DMXL1: variants seen among roughly 807,000 people sequenced by gnomAD.
The protein encoded by DMXL1 is dmX-like protein 1.
DMXL1 carries 99 observed loss-of-function variants against 319.2 expected under a neutral mutation model. The ratio of observed to expected loss-of-function variants is 0.31; its 90% CI spans 0.26 to 0.37. The LOEUF (loss-of-function observed/expected upper bound fraction) is 0.37, where lower values mean the gene tolerates loss of function less well. DMXL1 is among the 10% of genes least tolerant of loss of function. The probability of loss-of-function intolerance (pLI) is 1.00; values close to 1 mark genes in which losing one functional copy is unlikely to be tolerated. For synonymous variants in DMXL1, 1,385 were observed against 1,235.2 expected (o/e 1.12, Z -2.54); for missense variants, 3,745 against 3,595.6 (o/e 1.04, Z -1.06).
chr5:119,245,781 G>A (rs922903119), intron 43 of DMXL1, among the ~76,000 whole-genome samples: 3 of 151,716 alleles, frequency 2.0e-5, no homozygotes, highest in East Asian at 1.9e-4. Context: ...CTTGTGATCC[G>A]CCTGCCTGCC....
Position 119,143,947 on chromosome 5 carries a change from G to T in DMXL1, c.2466+17G>T, listed in dbSNP as rs780511389. ...ACCAAACTTGTAAGTATTAATTTTGGGGGGGAGGTATATTAAAAAAAAGTT... is the reference window on the plus strand; with the variant it reads ...ACCAAACTTGTAAGTATTAATTTTGTGGGGGAGGTATATTAAAAAAAAGTT... On this transcript the variant is annotated intron_variant, in intron 14 of 43. Transcript: ENST00000539542. The T allele has an allele frequency of 7.5e-6, 11 of 1,474,664 alleles. No individual in the cohort carries two copies. Among genetic ancestry groups the T allele is most frequent in the African/African-American group, 5.8e-5 (4 of 69,514 alleles). The allele number at this position is 1,474,664 out of a possible 1,614,324, so 91.3% of individuals were successfully genotyped here.
chr5:119,198,019 C>T (rs1290539727), intron 32 of DMXL1, 63 bp downstream of exon 32: 17 of 1,514,574 alleles, frequency 1.1e-5, no homozygotes, highest in Middle Eastern at 1.7e-4. Flanking sequence ...GATGGTGTCT[C>T]GCTCTGTCAT....
Position 119,178,075 on chromosome 5 carries a change from T to A in DMXL1, c.6966T>A (p.Ile2322=), listed in dbSNP as rs1014334463. The change falls in exon 28 of 44, where the codon ATT becomes ATA. Residue 2322 remains isoleucine, a synonymous_variant. Coordinates refer to ENST00000539542, the MANE Select transcript of DMXL1 (RefSeq NM_001290321.3). ...QSGLTVLLCE[I]LTAVYLSLFI... ...GGCTTACAGTCTTGCTCTGTGAGAT[T>A]CTCACAGCAGTGTATCTTAGTCTCT... 4 of 1,613,894 alleles carry A rather than the reference T, an allele frequency of 2.5e-6. No homozygotes were observed. The African/African-American group carries it at 5.3e-5, about 22-fold the overall frequency.
chr5:119,217,022 G>A (rs756439825), intron 35 of DMXL1, 35 bp downstream of exon 35: 2 of 1,196,696 alleles, frequency 1.7e-6, no homozygotes, highest in African/African-American at 3.1e-5. Flanking sequence ...TGTTTATTAA[G>A]TATTTATAGT....
intron 1 of DMXL1, among the ~76,000 whole-genome samples, chr5:119,089,869 G>A (rs1350649725): frequency 3.3e-5 from 5 of 150,380 alleles, no homozygotes; most frequent in Non-Finnish European, 5.9e-5. Flanking sequence ...CAGGTGATCC[G>A]CCCGCCTTGG....
At chr5:119,077,156 CTATTT>C (rs1283583300) in intron 1 of DMXL1, among the ~76,000 whole-genome samples, 1 of 145,622 alleles carries the variant, frequency 6.9e-6, no homozygotes, top group Non-Finnish European at 1.5e-5. Context: ...AGGCCCAGTG[CTATTT>C]TATTTTATTT....
At chr5:119,089,994 T>C (rs1010925277) in intron 1 of DMXL1, among the ~76,000 whole-genome samples, 1 of 136,844 alleles carries the variant, frequency 7.3e-6, no homozygotes, top group Non-Finnish European at 1.6e-5. Context: ...ATGCTTCGGG[T>C]TAGTCTTTTT....
rs1784503253 is a variant in DMXL1 at position 119,220,721 on chromosome 5, A to C, written c.8135+128A>C. The C allele has an allele frequency of 4.0e-6, 5 of 1,253,848 alleles. No individual in the cohort carries two copies. The South Asian group carries it at 7.7e-5, about 19-fold the overall frequency. The allele number at this position is 1,253,848 out of a possible 1,614,324, so 77.7% of individuals were successfully genotyped here. A position where few individuals can be genotyped will look rare whatever the true frequency, so the allele number is the denominator to read the frequency against. On this transcript the variant is annotated intron_variant, in intron 36 of 43. Transcript: ENST00000539542. ...TAAGCAGAGTAGAAGCTGATGTGCT[A>C]AATGAGGGGTGGCAAGAGCTTTAAA...
intron 9 of DMXL1, chr5:119,127,963 G>T (rs766793025): frequency 7.0e-5 from 27 of 383,618 alleles, no homozygotes; most frequent in Non-Finnish European, 1.2e-4. Flanking sequence ...TGTCCTGAAG[G>T]AGAAATGAAG....
At chr5:119,103,734 G>T (rs1017334848) in intron 3 of DMXL1, among the ~76,000 whole-genome samples, 1 of 152,002 alleles carries the variant, frequency 6.6e-6, no homozygotes, top group Admixed American at 6.6e-5. Context: ...TTTTTAAGGC[G>T]ATTACCCCAC....
intron 10 of DMXL1, among the ~76,000 whole-genome samples, chr5:119,129,922 G>T (rs10037191): frequency 6.6e-6 from 1 of 152,094 alleles, no homozygotes; most frequent in African/African-American, 2.4e-5. Flanking sequence ...CTTGATTGAC[G>T]CATATCACTT....
intron 30 of DMXL1, 62 bp downstream of exon 30, chr5:119,194,032 T>A (rs1271445701): frequency 5.8e-6 from 7 of 1,207,300 alleles, no homozygotes; most frequent in Non-Finnish European, 7.8e-6. Flanking sequence ...ATAATATTTT[T>A]GAAAAAATTA....
intron 25 of DMXL1, among the ~76,000 whole-genome samples, chr5:119,173,663 G>A (rs1775059381): frequency 8.0e-6 from 1 of 125,690 alleles, no homozygotes; most frequent in Non-Finnish European, 1.7e-5. Context: ...AACAGAATCA[G>A]TAGGATGTAT....
In DMXL1 at chr5:119,150,149, A is replaced by C; in HGVS notation, c.4322A>C (p.Glu1441Ala). The change falls in exon 18 of 44, where the codon GAA becomes GCA. Residue 1441 changes from glutamate to alanine, a missense_variant. This residue lies in a region of DMXL1 where 2,096 missense variants were observed against 1,985.4 expected (regional missense o/e 1.06). Coordinates refer to ENST00000539542, the MANE Select transcript of DMXL1 (RefSeq NM_001290321.3). ...AGTAAATCAAACCAATTATCTAAAG[A>C]AAGTTATGATGAGCTTTTTCAGACT... ...TLSKSNQLSK[E>A]SYDELFQTQL... 1 of 1,613,846 alleles carries C rather than the reference A, an allele frequency of 6.2e-7. No homozygotes were observed. Among genetic ancestry groups the C allele is most frequent in the Non-Finnish European group, 8.5e-7 (1 of 1,179,884 alleles).
chr5:119,140,574 C>T (rs923390435), intron 13 of DMXL1, among the ~76,000 whole-genome samples: 3 of 152,060 alleles, frequency 2.0e-5, no homozygotes, highest in African/African-American at 7.2e-5. Context: ...AATTGATTCC[C>T]TAAACAGACT....
At chr5:119,081,349 G>C (rs569604898) in intron 1 of DMXL1, among the ~76,000 whole-genome samples, 1 of 152,152 alleles carries the variant, frequency 6.6e-6, no homozygotes, top group African/African-American at 2.4e-5. Flanking sequence ...CACAGAAATA[G>C]CACTCTTCCT....
chr5:119,199,693 A>G (rs186158427), intron 32 of DMXL1, among the ~76,000 whole-genome samples: 1 of 152,296 alleles, frequency 6.6e-6, no homozygotes, highest in Admixed American at 6.5e-5. Flanking sequence ...ACAGTGCGTA[A>G]GTGTTCCCTT....
At chr5:119,140,046 A>G (rs1425170184) in intron 13 of DMXL1, among the ~76,000 whole-genome samples, 8 of 152,272 alleles carry the variant, frequency 5.3e-5, no homozygotes, top group Admixed American at 5.2e-4. Flanking sequence ...AAATTAAGAC[A>G]GAAACCAAGA....
In DMXL1 at chr5:119,170,445, T is replaced by A; in HGVS notation, c.5654T>A (p.Ile1885Asn). 2 of 1,613,976 alleles carry A rather than the reference T, an allele frequency of 1.2e-6. No homozygotes were observed. The highest frequency in any genetic ancestry group is 1.1e-5 in the South Asian group (1 of 91,068). ...LEVLSKMPKV[I>N]KKTRPFYRAS... ...GTATTATCAAAGATGCCTAAAGTCATCAAGAAAACAAGACCTTTTTATAGG... is the reference window on the plus strand; with the variant it reads ...GTATTATCAAAGATGCCTAAAGTCAACAAGAAAACAAGACCTTTTTATAGG... Residue 1885 changes from isoleucine (I) to asparagine (N), a missense_variant, in exon 24 of 44, where the codon ATC becomes AAC. Coordinates refer to ENST00000539542, the MANE Select transcript of DMXL1 (RefSeq NM_001290321.3).
Sources: gnomAD v4.1 joint callset for allele counts (sites outside exome capture counted in the v4.1 genomes callset) on GRCh38, gnomAD v4.1.1 for gene constraint, gnomAD v4.1.1 regional missense constraint, MANE v1.5 for transcripts, NCBI Gene and HGNC (gene_info 2026-07-23, HGNC 2026-07-21) for gene names.